The following TUT7 variants were observed in gnomAD, a reference collection of about 807,000 sequenced individuals.
TUT7 encodes terminal uridylyltransferase 7.
A neutral mutation model predicts 165.9 loss-of-function variants in TUT7; 33 were observed. The observed-to-expected ratio is 0.20, with a 90% CI of 0.15 to 0.27. TUT7 has a LOEUF of 0.27. Ranked by LOEUF, TUT7 falls within the 10% of genes least tolerant of loss-of-function variation. The pLI, the probability that TUT7 is intolerant of heterozygous loss-of-function variation, is 1.00. For missense variants in TUT7, 1,338 were observed against 1,762.3 expected (o/e 0.76, Z 4.31); for synonymous variants, 552 against 608.1 (o/e 0.91, Z 1.36).
At chr9:86,329,355 C>T (rs1027578141) in intron 10 of TUT7, among the ~76,000 whole-genome samples, 1 of 151,886 alleles carries the variant, frequency 6.6e-6, no homozygotes, top group African/African-American at 2.4e-5. Flanking sequence ...GAAATCCCGT[C>T]TCTACTAAAA....
At chr9:86,331,392 T>C (rs1203893922) in intron 10 of TUT7, among the ~76,000 whole-genome samples, 2 of 152,240 alleles carry the variant, frequency 1.3e-5, no homozygotes, top group African/African-American at 4.8e-5. Context: ...ATGTATCAGT[T>C]TATACTATCT....
intron 17 of TUT7, among the ~76,000 whole-genome samples, chr9:86,313,200 A>G (rs148334716): frequency 1.3e-5 from 2 of 152,284 alleles, no homozygotes; most frequent in East Asian, 3.9e-4. Flanking sequence ...AGAGGAGCCA[A>G]TGAACTGGTC....
rs766075117 is a variant in TUT7, at chr9:86,352,972, T to G, written c.228A>C (p.Pro76=). Residue 76 remains proline, a synonymous_variant, in exon 2 of 27, where the codon CCA becomes CCC. Coordinates refer to ENST00000375963, the MANE Select transcript of TUT7 (RefSeq NM_024617.4). ...TGTAGATTGGGTTTTTAAATGCATA[T>G]GGATTGCTGGAAACAGCACATGGTC... is the stretch of plus-strand genomic sequence containing the variant. ...RKGPCAVSSN[P]YAFKNPIYSQ... is the part of the protein sequence containing the mutation. 1.9e-6 allele frequency: 3 copies of G among 1,614,108 alleles called. No homozygotes were observed. Among genetic ancestry groups the G allele is most frequent in the African/African-American group, 2.7e-5 (2 of 74,940 alleles).
chr9:86,353,581 A>C (rs1466062131), intron 1 of TUT7, among the ~76,000 whole-genome samples: 2 of 152,208 alleles, frequency 1.3e-5, no homozygotes, highest in Non-Finnish European at 2.9e-5. Context: ...TCTTCAAAGA[A>C]AACCTCATCC....
chr9:86,353,679 C>T (rs1832495831), intron 1 of TUT7, among the ~76,000 whole-genome samples: 1 of 152,134 alleles, frequency 6.6e-6, no homozygotes. Context: ...CGAAACTTTA[C>T]GTGAAAGGAG....
intron 5 of TUT7, among the ~76,000 whole-genome samples, chr9:86,344,283 C>T (rs1313983921): frequency 6.6e-6 from 1 of 152,122 alleles, no homozygotes; most frequent in African/African-American, 2.4e-5. Flanking sequence ...CAACCATTTA[C>T]CTAAACAGCA....
At chr9:86,349,667 C>T (rs964912422) in intron 2 of TUT7, among the ~76,000 whole-genome samples, 6 of 152,098 alleles carry the variant, frequency 3.9e-5, no homozygotes, top group Admixed American at 2.0e-4. Flanking sequence ...AAAGAAATTT[C>T]GATCTCTTTA....
At chr9:86,351,772 G>A (rs1314021860) in intron 2 of TUT7, among the ~76,000 whole-genome samples, 1 of 152,152 alleles carries the variant, frequency 6.6e-6, no homozygotes, top group Non-Finnish European at 1.5e-5. Flanking sequence ...GTGCTGGCCA[G>A]TTTGAAACAC....
chr9:86,344,595 T>C (rs955740358), intron 5 of TUT7, among the ~76,000 whole-genome samples: 1 of 151,960 alleles, frequency 6.6e-6, no homozygotes, highest in Non-Finnish European at 1.5e-5. Flanking sequence ...AATCTTTTTT[T>C]TTTTTTTTGA....
At chr9:86,340,209 T>G (rs1436539215) in intron 7 of TUT7, 104 bp from the exon 8 acceptor site, 4 of 913,056 alleles carry the variant, frequency 4.4e-6, no homozygotes, top group Non-Finnish European at 7.0e-6. Context: ...CTGTTGAGTC[T>G]TTTGAAAGAC....
intron 2 of TUT7, among the ~76,000 whole-genome samples, chr9:86,352,218 T>A (rs1048131924): frequency 1.3e-5 from 2 of 152,200 alleles, no homozygotes; most frequent in Admixed American, 6.5e-5. Flanking sequence ...GCAGGAGATA[T>A]ACGCAGTGTA....
At chr9:86,306,170 C>T (rs748407636) in intron 22 of TUT7, among the ~76,000 whole-genome samples, 34 of 152,046 alleles carry the variant, frequency 2.2e-4, no homozygotes, top group African/African-American at 7.7e-4. Flanking sequence ...GAGAAAAAAG[C>T]GATGACCTTT....
intron 6 of TUT7, among the ~76,000 whole-genome samples, chr9:86,341,336 C>A (rs1831308574): frequency 6.6e-6 from 1 of 152,212 alleles, no homozygotes; most frequent in Non-Finnish European, 1.5e-5. Flanking sequence ...AAAGTGGTAG[C>A]TGGAAGTTTG....
intron 16 of TUT7, among the ~76,000 whole-genome samples, chr9:86,318,572 T>A (rs537302312): frequency 1.3e-5 from 2 of 152,360 alleles, no homozygotes; most frequent in South Asian, 4.1e-4. Flanking sequence ...TCCAGGCCTC[T>A]GGACTCTAAG....
chr9:86,322,563 C>T, intron 13 of TUT7, 88 bp from the exon 14 acceptor site: 2 of 1,458,800 alleles, frequency 1.4e-6, no homozygotes, highest in Non-Finnish European at 1.8e-6. Context: ...AGTACACAGT[C>T]ACCTATTCAC....
intron 8 of TUT7, among the ~76,000 whole-genome samples, chr9:86,339,724 G>A (rs1831167555): frequency 6.6e-6 from 1 of 152,132 alleles, no homozygotes. Flanking sequence ...CATAAATGCT[G>A]CCAAAAAGGG....
At chr9:86,307,396 T>C (rs1827609822) in intron 22 of TUT7, among the ~76,000 whole-genome samples, 1 of 152,218 alleles carries the variant, frequency 6.6e-6, no homozygotes, top group Non-Finnish European at 1.5e-5. Flanking sequence ...AAGTCAAAAC[T>C]ATATCTGTAA....
intron 6 of TUT7, 96 bp downstream of exon 6, chr9:86,342,979 C>T: frequency 1.2e-6 from 1 of 854,824 alleles, no homozygotes; most frequent in Non-Finnish European, 1.8e-6. Context: ...CTTAAAATAT[C>T]TTCAAATATC....
At chr9:86,341,742 C>T (rs1428242503) in intron 6 of TUT7, among the ~76,000 whole-genome samples, 2 of 152,158 alleles carry the variant, frequency 1.3e-5, no homozygotes, top group South Asian at 2.1e-4. Context: ...CCGTTTCCCC[C>T]TCTCCTGCAG....
Sources: gnomAD v4.1 joint callset for allele counts (sites outside exome capture counted in the v4.1 genomes callset) on GRCh38, gnomAD v4.1.1 for gene constraint, MANE v1.5 for transcripts, NCBI Gene and HGNC (gene_info 2026-07-23, HGNC 2026-07-21) for gene names.